The following CRTC2 variants were observed in gnomAD, a reference collection of about 807,000 sequenced individuals.
CRTC2 encodes the protein CREB regulated transcription coactivator 2.
CRTC2 carries 25 observed loss-of-function variants against 70.9 expected under a neutral mutation model. That is an observed-to-expected ratio of 0.35 (90% CI 0.26 to 0.49). The LOEUF is 0.49. Ranked by LOEUF, CRTC2 falls within the 20% of genes least tolerant of loss-of-function variation. The pLI, the probability that CRTC2 is intolerant of heterozygous loss-of-function variation, is 0.98. For missense variants in CRTC2, 737 were observed against 882.6 expected (o/e 0.83, Z 2.09); for synonymous variants, 330 against 364.1 (o/e 0.91, Z 1.07).
chr1:153,949,453 C>T (rs1379158321), intron 11 of CRTC2, 69 bp from the exon 12 acceptor site: 1 of 1,471,334 alleles, frequency 6.8e-7, no homozygotes, highest in African/African-American at 1.4e-5. Flanking sequence ...GTCAGAGCTT[C>T]CCACCTTCTT....
Position 153,953,644 on chromosome 1 carries a change from G to A in CRTC2, c.435-38C>T, listed in dbSNP as rs148396247. The stretch of plus-strand genomic sequence containing the variant: ...AACAAAGTCATGAGGAGGAAGGCTG[G>A]CAGTGGACAAGAAGGTGGGCATAGG... On this transcript the variant is annotated intron_variant, in intron 4 of 13. Transcript: ENST00000368633. 103 of 1,503,950 alleles carry A rather than the reference G, an allele frequency of 6.8e-5. No homozygotes were observed. The East Asian group carries it at 2.3e-3, about 34-fold the overall frequency. 93.2% of individuals were successfully genotyped at this position (1,503,950 alleles called of 1,614,324 possible). A position where few individuals can be genotyped will look rare whatever the true frequency, so the allele number is the denominator to read the frequency against.
At chr1:153,955,818 A>G (rs555393656) in intron 1 of CRTC2, among the ~76,000 whole-genome samples, 4 of 151,632 alleles carry the variant, frequency 2.6e-5, no homozygotes, top group South Asian at 2.1e-4. Flanking sequence ...CTCATCAATG[A>G]TATCACTACT....
chr1:153,951,913 C>A (rs1321801727), intron 10 of CRTC2, 105 bp downstream of exon 10: 12 of 1,428,966 alleles, frequency 8.4e-6, no homozygotes, highest in South Asian at 1.3e-5. Context: ...AGGTGACAGG[C>A]GGTGTGGGTG....
At position 153,948,548 on chromosome 1, in the gene CRTC2, T is replaced by C. The variant is rs1680147246; in HGVS notation, c.1771A>G (p.Met591Val). The change falls in exon 13 of 14, where the codon ATG (methionine) becomes GTG (valine). Residue 591 changes from methionine (M) to valine (V), a missense_variant. Transcript: ENST00000368633. ...GPGFLGGEGP[M>V]GGPQDPHTFN... Reference sequence around the variant, plus strand: ...GTGTGGGGATCCTGGGGGCCACCCATTGGCCCCTCACCCCCTAAAAATCCA... The same window carrying C: ...GTGTGGGGATCCTGGGGGCCACCCACTGGCCCCTCACCCCCTAAAAATCCA... 6.2e-7 allele frequency: 1 copy of C among 1,612,490 alleles called. No homozygotes were observed. Among genetic ancestry groups the C allele is most frequent in the Non-Finnish European group, 8.5e-7 (1 of 1,179,346 alleles).
At chr1:153,952,313 G>C (rs947099524) in intron 9 of CRTC2, 51 bp from the exon 10 acceptor site, 1 of 1,601,304 alleles carries the variant, frequency 6.2e-7, no homozygotes, top group African/African-American at 1.3e-5. Flanking sequence ...TGGGTGCAGT[G>C]GTCAGGGAAG....
At position 153,951,441 on chromosome 1, in the gene CRTC2, G is replaced by T; in HGVS notation, c.1223C>A (p.Ser408Tyr). The T allele has an allele frequency of 6.2e-7, 1 of 1,603,416 alleles. No homozygotes were observed. Among genetic ancestry groups the T allele is most frequent in the East Asian group, 2.2e-5 (1 of 44,798 alleles). The change falls in exon 11 of 14, where the codon TCT becomes TAT. Residue 408 changes from serine (S) to tyrosine (Y), a missense_variant. Around this residue, in one of 3 missense-constraint regions of CRTC2, gnomAD observed 699 missense variants for 823.7 expected, o/e 0.85. Transcript: ENST00000368633. ...GTAAGAGGGGGCGCCCAAAACAGGAGATGAAGTGGAGGAGGAGGAAGAGGA... is the reference window on the plus strand; with the variant it reads ...GTAAGAGGGGGCGCCCAAAACAGGATATGAAGTGGAGGAGGAGGAAGAGGA... ...SSSSSSSSTS[S>Y]PVLGAPSYPA...
chr1:153,948,347 A>G lies in CRTC2; in HGVS notation c.1862-18T>C, dbSNP rs375802213. The G allele has an allele frequency of 3.7e-6, 6 of 1,613,920 alleles. No individual in the cohort carries two copies. In the African/African-American group the frequency reaches 8.0e-5, roughly 22 times the overall value. On this transcript the variant is annotated intron_variant, in intron 13 of 13. Coordinates refer to ENST00000368633, the MANE Select transcript of CRTC2 (RefSeq NM_181715.3). ...GGAGTCCCCTGTGGGTAGAAGAGACAGGTGAGGACCCCATGTCCTGTAAAC... is the reference window on the plus strand; with the variant it reads ...GGAGTCCCCTGTGGGTAGAAGAGACGGGTGAGGACCCCATGTCCTGTAAAC...
chr1:153,953,562 A>T lies in CRTC2; in HGVS notation c.479T>A (p.Phe160Tyr). 2 of 1,611,372 alleles carry T rather than the reference A, an allele frequency of 1.2e-6. No individual in the cohort carries two copies. The highest frequency in any genetic ancestry group is 1.7e-6 in the Non-Finnish European group (2 of 1,179,404). The change falls in exon 5 of 14, where the codon TTT becomes TAT. Residue 160 changes from phenylalanine to tyrosine, a missense_variant. Around this residue, in one of 3 missense-constraint regions of CRTC2, gnomAD observed 699 missense variants for 823.7 expected, o/e 0.85. Coordinates refer to ENST00000368633, the MANE Select transcript of CRTC2 (RefSeq NM_181715.3). ...GNFPAEKGQL[F>Y]RLPSALNRTS... ...CCTGTTAAGTGCAGATGGTAGTCGA[A>T]ACAACTGCCCCTTCTCTGCAGGGAA...
chr1:153,953,262 T>C lies in CRTC2; in HGVS notation c.607+4A>G. 1 of 1,552,548 alleles carries C rather than the reference T, an allele frequency of 6.4e-7. No homozygotes were observed. The highest frequency in any genetic ancestry group is 8.7e-7 in the Non-Finnish European group (1 of 1,144,862). ...ACTCCCAACCCTGGGACAGGGCCACTTACCCCCACGTCGGCTGGGCAGGAT... is the reference window on the plus strand; with the variant it reads ...ACTCCCAACCCTGGGACAGGGCCACCTACCCCCACGTCGGCTGGGCAGGAT... On this transcript the variant is annotated splice_donor_region_variant and intron_variant, in intron 6 of 13. Transcript: ENST00000368633.
At chr1:153,957,092 C>A (rs1199808911) in intron 1 of CRTC2, among the ~76,000 whole-genome samples, 2 of 152,128 alleles carry the variant, frequency 1.3e-5, no homozygotes, top group Non-Finnish European at 2.9e-5. Context: ...GTTATGCACA[C>A]ACATGCATTT....
intron 6 of CRTC2, 164 bp downstream of exon 6, chr1:153,953,101 TG>T: frequency 1.6e-6 from 1 of 609,756 alleles, no homozygotes; most frequent in Non-Finnish European, 2.9e-6. Context: ...GAGAATCGCT[TG>T]AACTCGGAGG....
chr1:153,958,420 A>C lies in CRTC2; in HGVS notation c.78T>G (p.Ile26Met). The change falls in exon 1 of 14, where the codon ATT (isoleucine) becomes ATG (methionine). Residue 26 changes from isoleucine (I) to methionine (M), a missense_variant. Physicochemically the swap from Ile to Met is conservative, Grantham distance 10. This residue lies in a region of CRTC2 where 9 missense variants were observed against 33.5 expected (regional missense o/e 0.27). Coordinates refer to ENST00000368633, the MANE Select transcript of CRTC2 (RefSeq NM_181715.3). ...CGGCCTGACGCTGCTTCTGCAGCGC[A>C]ATCTTCTCACTAAATTTGCGCGGAT... is the stretch of plus-strand genomic sequence containing the variant. ...ASNPRKFSEK[I>M]ALQKQRQAEE... 6.2e-7 allele frequency: 1 copy of C among 1,613,448 alleles called. No homozygotes were observed. Among genetic ancestry groups the C allele is most frequent in the Non-Finnish European group, 8.5e-7 (1 of 1,179,766 alleles).
At chr1:153,953,662 G>A in intron 4 of CRTC2, 56 bp from the exon 5 acceptor site, 1 of 1,311,952 alleles carries the variant, frequency 7.6e-7, no homozygotes, top group Non-Finnish European at 1.1e-6. Flanking sequence ...CAAGAAGGTG[G>A]GCATAGGGGT....
chr1:153,952,942 G>T, intron 6 of CRTC2, 108 bp from the exon 7 acceptor site: 3 of 1,345,398 alleles, frequency 2.2e-6, no homozygotes, highest in South Asian at 1.2e-5. Context: ...CCAGCACTTT[G>T]GGAGGCCGAG....
rs1473323608 is a variant in CRTC2, at chr1:153,948,262, C to A, written c.1929G>T (p.Val643=). ...GCCCTAGCTCCAATCCAGCTGCTGACACCTCAAAGCCAGGCACTCCGGCCA... is the reference window on the plus strand; with the variant it reads ...GCCCTAGCTCCAATCCAGCTGCTGAAACCTCAAAGCCAGGCACTCCGGCCA... ...AALAGVPGFE[V]SAAGLELGLG... is the part of the protein sequence containing the mutation. The change falls in exon 14 of 14, where the codon GTG becomes GTT. Residue 643 remains valine (V), a synonymous_variant. Coordinates refer to ENST00000368633, the MANE Select transcript of CRTC2 (RefSeq NM_181715.3). 2 of 1,614,272 alleles carry A rather than the reference C, an allele frequency of 1.2e-6. No homozygotes were observed. Among genetic ancestry groups the A allele is most frequent in the Non-Finnish European group, 1.7e-6 (2 of 1,180,052 alleles).
rs898576082 is a variant in CRTC2, at chr1:153,948,480, T to C, written c.1839A>G (p.Ser613=). 15 of 1,608,920 alleles carry C rather than the reference T, an allele frequency of 9.3e-6. No individual in the cohort carries two copies. The highest frequency in any genetic ancestry group is 1.3e-5 in the Non-Finnish European group (15 of 1,177,334). Residue 613 remains serine, a synonymous_variant, in exon 13 of 14, where the codon TCA becomes TCG. Coordinates refer to ENST00000368633, the MANE Select transcript of CRTC2 (RefSeq NM_181715.3). Reference sequence around the variant, plus strand: ...CACCTGTGAGGATGATGTTAGGCCCTGAGCCATGGCGGGAACAGTGGGTCA... The same window carrying C: ...CACCTGTGAGGATGATGTTAGGCCCCGAGCCATGGCGGGAACAGTGGGTCA... ...QNLTHCSRHG[S]GPNIILTGDS...
Position 153,948,285 on chromosome 1 carries a change from C to A in CRTC2, c.1906G>T (p.Ala636Ser). 1.9e-6 allele frequency: 3 copies of A among 1,614,262 alleles called. No homozygotes were observed. The highest frequency in any genetic ancestry group is 2.2e-5 in the South Asian group (2 of 91,092). The change falls in exon 14 of 14, where the codon GCC becomes TCC. Residue 636 changes from alanine to serine, a missense_variant. Ala to Ser is a moderately conservative substitution (Grantham distance 99, BLOSUM62 1). Around this residue, in one of 3 missense-constraint regions of CRTC2, gnomAD observed 699 missense variants for 823.7 expected, o/e 0.85. Coordinates refer to ENST00000368633, the MANE Select transcript of CRTC2 (RefSeq NM_181715.3). ...GFSKEIAAAL[A>S]GVPGFEVSAA... is the part of the protein sequence containing the mutation. ...GACACCTCAAAGCCAGGCACTCCGG[C>A]CAGGGCTGCTGCAATCTCCTTAGAG...
chr1:153,951,489 A>C lies in CRTC2; in HGVS notation c.1175T>G (p.Leu392Arg), dbSNP rs1437541749. 1.2e-6 allele frequency: 2 copies of C among 1,600,594 alleles called. No homozygotes were observed. Among genetic ancestry groups the C allele is most frequent in the Admixed American group, 1.7e-5 (1 of 59,018 alleles). Reference protein sequence around the residue: ...LPTTSLGHPSLSAPALSSSSS... With the variant: ...LPTTSLGHPSRSAPALSSSSS... Reference sequence around the variant, plus strand: ...GGAGGAGGAGAGAGCCGGAGCACTGAGTGAGGGGTGGCCCAGGGAGGTGGT... The same window carrying C: ...GGAGGAGGAGAGAGCCGGAGCACTGCGTGAGGGGTGGCCCAGGGAGGTGGT... Residue 392 changes from leucine (L) to arginine (R), a missense_variant, in exon 11 of 14, where the codon CTC becomes CGC. By Grantham distance (102) the Leu-to-Arg change is moderately radical. Coordinates refer to ENST00000368633, the MANE Select transcript of CRTC2 (RefSeq NM_181715.3).
At chr1:153,958,308 C>T (rs1680748062) in intron 1 of CRTC2, 37 bp downstream of exon 1, 2 of 1,601,814 alleles carry the variant, frequency 1.2e-6, no homozygotes, top group South Asian at 1.1e-5. Context: ...TCCGTAACTG[C>T]TCAGCTCTGC....
Sources: allele counts gnomAD v4.1 joint callset (sites outside exome capture counted in the v4.1 genomes callset), GRCh38; gene constraint gnomAD v4.1.1; regional missense constraint gnomAD v4.1.1; transcripts MANE v1.5; gene names NCBI Gene and HGNC (gene_info 2026-07-23, HGNC 2026-07-21).